The following SETD5 variants were observed in gnomAD, a reference collection of about 807,000 sequenced individuals.
SETD5 encodes histone-lysine N-methyltransferase SETD5.
Under a neutral mutation model 153.3 loss-of-function variants are expected in SETD5, and 44 were observed. The ratio of observed to expected loss-of-function variants is 0.29; its 90% confidence interval spans 0.23 to 0.37. The LOEUF is 0.37. Among genes scored for constraint, SETD5 ranks in the 10% least tolerant of loss-of-function variants. SETD5 has a pLI of 1.00. For synonymous variants in SETD5, 716 were observed against 645.2 expected (o/e 1.11, Z -1.66); for missense variants, 1,544 against 1,768.0 (o/e 0.87, Z 2.27).
chr3:9,447,874 A>G lies in SETD5; in HGVS notation c.1971A>G (p.Val657=), dbSNP rs762046042. 5.0e-6 allele frequency: 8 copies of G among 1,613,922 alleles called. No individual in the cohort carries two copies. The South Asian group carries it at 6.6e-5, about 13-fold the overall frequency. ...AAGAGGGAGGAAGTAACAGTTTAGTAACTCCTACTGAAGCTGGAAGTCTAG... is the reference window on the plus strand; with the variant it reads ...AAGAGGGAGGAAGTAACAGTTTAGTGACTCCTACTGAAGCTGGAAGTCTAG... The part of the protein sequence containing the change: ...ALEEGGSNSL[V]TPTEAGSLDS... The change falls in exon 15 of 23, where the codon GTA becomes GTG. Residue 657 remains valine, a synonymous_variant. Coordinates refer to ENST00000402198, the MANE Select transcript of SETD5 (RefSeq NM_001080517.3).
rs1013684005 is a variant in SETD5, at chr3:9,431,265, A to C, written c.71+2256A>C. 7 of 985,264 alleles carry C rather than the reference A, an allele frequency of 7.1e-6. No individual in the cohort carries two copies. The African/African-American group carries it at 1.2e-4, about 17-fold the overall frequency. 61.0% of individuals were successfully genotyped at this position (985,264 alleles called of 1,614,324 possible). On this transcript the variant is annotated intron_variant, in intron 3 of 22. Transcript: ENST00000402198. ...ACAGAATTTCAGGCATTTTCCAAGA[A>C]ATGGCATGATAGCAGCTGGGTTGCA...
In SETD5 at chr3:9,431,818, T is replaced by A. The variant is rs900697553; in HGVS notation, c.72-2027T>A. On this transcript the variant is annotated intron_variant, in intron 3 of 22. Coordinates refer to ENST00000402198, the MANE Select transcript of SETD5 (RefSeq NM_001080517.3). ...CTTTGATTTCATGCAACTTTCCTTT[T>A]TCCTGTCCCCCTCCCACCAAAAAAA... The A allele has an allele frequency of 3.9e-6, 3 of 769,582 alleles. No individual in the cohort carries two copies. In the African/African-American group the frequency reaches 5.7e-5, roughly 15 times the overall value. The allele number at this position is 769,582 out of a possible 1,614,324, so 47.7% of individuals were successfully genotyped here. A position where few individuals can be genotyped will look rare whatever the true frequency, so the allele number is the denominator to read the frequency against.
At chr3:9,436,115 T>C (rs1052362147) in intron 7 of SETD5, among the ~76,000 whole-genome samples, 3 of 152,102 alleles carry the variant, frequency 2.0e-5, no homozygotes, top group Admixed American at 2.0e-4. Context: ...GGCTCAAAGT[T>C]TCTTCTACTC....
At chr3:9,450,431 T>G (rs966573966) in intron 16 of SETD5, among the ~76,000 whole-genome samples, 2 of 152,238 alleles carry the variant, frequency 1.3e-5, no homozygotes, top group Non-Finnish European at 2.9e-5. Context: ...AAGTCATTGC[T>G]TTATTGTGTG....
intron 12 of SETD5, 40 bp downstream of exon 12, chr3:9,445,340 T>C: frequency 1.3e-6 from 2 of 1,579,632 alleles, no homozygotes; most frequent in African/African-American, 1.3e-5. Flanking sequence ...ATGGCATCAA[T>C]CCTCCAAAGG....
chr3:9,421,420 A>G (rs955406831), intron 1 of SETD5, among the ~76,000 whole-genome samples: 1 of 151,952 alleles, frequency 6.6e-6, no homozygotes, highest in African/African-American at 2.4e-5. Flanking sequence ...TTACAGGTGC[A>G]AGCCACCGCA....
At chr3:9,445,965 G>GGTT (rs2041907619) in intron 13 of SETD5, among the ~76,000 whole-genome samples, 7 of 86,458 alleles carry the variant, frequency 8.1e-5, no homozygotes, top group African/African-American at 2.3e-4. Context: ...TGAAGAGGTT[G>GGTT]TTTTTTTTTT....
intron 1 of SETD5, among the ~76,000 whole-genome samples, chr3:9,415,068 A>G (rs555390093): frequency 1.1e-4 from 17 of 152,302 alleles, no homozygotes; most frequent in African/African-American, 4.1e-4. Flanking sequence ...AGGAAAACTA[A>G]CAGATGATTA....
At chr3:9,473,684 A>T in intron 20 of SETD5, 147 bp downstream of exon 20, 1 of 827,206 alleles carries the variant, frequency 1.2e-6, no homozygotes, top group Non-Finnish European at 1.8e-6. Flanking sequence ...TGTCCTGTTC[A>T]GCTGATTTAA....
chr3:9,450,118 T>C (rs1006870898), intron 16 of SETD5, among the ~76,000 whole-genome samples: 4 of 152,240 alleles, frequency 2.6e-5, no homozygotes, highest in African/African-American at 7.2e-5. Context: ...AAAACGTGTC[T>C]AGGACTGTAA....
intron 1 of SETD5, among the ~76,000 whole-genome samples, chr3:9,418,988 G>A (rs1197125747): frequency 6.6e-6 from 1 of 151,920 alleles, no homozygotes; most frequent in Non-Finnish European, 1.5e-5. Context: ...CACTATGCCT[G>A]GCTGATTTTT....
Position 9,434,779 on chromosome 3 carries a change from G to A in SETD5, c.330-45G>A. The A allele has an allele frequency of 6.3e-7, 1 of 1,585,928 alleles. No individual in the cohort carries two copies. The highest frequency in any genetic ancestry group is 8.6e-7 in the Non-Finnish European group (1 of 1,164,934). ...TCGCCCATGTGTGCTATGATGTGATGCATGCTGTTGGAAGGACTACTTTAA... is the reference window on the plus strand; with the variant it reads ...TCGCCCATGTGTGCTATGATGTGATACATGCTGTTGGAAGGACTACTTTAA... On this transcript the variant is annotated intron_variant, in intron 5 of 22. Coordinates refer to ENST00000402198, the MANE Select transcript of SETD5 (RefSeq NM_001080517.3). This position sits in a 1 kb window ranked among gnomAD's most constrained non-coding sequence, Gnocchi z 5.6.
chr3:9,431,737 T>C (rs2039988424), intron 3 of SETD5: 22 of 985,650 alleles, frequency 2.2e-5, no homozygotes, highest in Non-Finnish European at 2.7e-5. Flanking sequence ...ATGTTCATAT[T>C]TACCCGTTTG....
Position 9,445,144 on chromosome 3 carries a change from T to G in SETD5, c.1284T>G (p.Pro428=), listed in dbSNP as rs758949684. Residue 428 remains proline, a synonymous_variant, in exon 12 of 23, where the codon CCT becomes CCG. Transcript: ENST00000402198. ...CTACAGAACTGCCACTCCTACCACC[T>G]CCTCCAAGCCTACCCACCATTGGAG... ...PNATELPLLP[P]PPSLPTIGAE... is the part of the protein sequence containing the mutation. The G allele has an allele frequency of 2.1e-5, 34 of 1,613,654 alleles. No homozygotes were observed. The highest frequency in any genetic ancestry group is 2.9e-5 in the Non-Finnish European group (34 of 1,179,858).
At chr3:9,457,118 G>T (rs1254866799) in intron 17 of SETD5, among the ~76,000 whole-genome samples, 1 of 152,236 alleles carries the variant, frequency 6.6e-6, no homozygotes, top group Admixed American at 6.5e-5. Context: ...GCAGGGGCAT[G>T]ATGTTCATTA....
In SETD5 at chr3:9,475,638, A is replaced by G. The variant is rs1575632765; in HGVS notation, c.3876A>G (p.Ser1292=). ...CCCCCTCTCACGGTTCTTCAGAATC[A>G]TCCCTCTCTTCCACGTCCTATTCCA... ...GNPPSHGSSE[S]SLSSTSYSSP... Residue 1292 remains serine, a synonymous_variant, in exon 23 of 23, where the codon TCA becomes TCG. Transcript: ENST00000402198. The G allele has an allele frequency of 2.5e-6, 4 of 1,613,828 alleles. No homozygotes were observed. The highest frequency in any genetic ancestry group is 3.4e-6 in the Non-Finnish European group (4 of 1,179,890).
chr3:9,435,073 C>T (rs1052121303), intron 6 of SETD5, among the ~76,000 whole-genome samples, 191 bp downstream of exon 6: 16 of 151,978 alleles, frequency 1.1e-4, no homozygotes, highest in Non-Finnish European at 2.2e-4. Flanking sequence ...GGAGAAACCC[C>T]ATCTCTACTG....
At chr3:9,431,145 A>G (rs1019870830) in intron 3 of SETD5, 1 of 985,452 alleles carries the variant, frequency 1.0e-6, no homozygotes, top group East Asian at 1.1e-4. Flanking sequence ...TGGCAACTAT[A>G]TGCAATACGC....
rs543246360 is a variant in SETD5 at position 9,468,670 on chromosome 3, C to T, written c.2725-1789C>T. On this transcript the variant is annotated intron_variant, in intron 18 of 22. Coordinates refer to ENST00000402198, the MANE Select transcript of SETD5 (RefSeq NM_001080517.3). ...TGTGGGGAGGGCTGGGGATCTGAGT[C>T]AGTGGGGTGATGGGCTGGAGGGCGG... is the stretch of plus-strand genomic sequence containing the variant. The T allele has an allele frequency of 8.9e-5, 103 of 1,153,326 alleles. 1 individual carries two copies. In the African/African-American group the frequency reaches 1.4e-3, roughly 16 times the overall value. The allele number at this position is 1,153,326 out of a possible 1,614,324, so 71.4% of individuals were successfully genotyped here.
Sources: gnomAD v4.1 joint callset for allele counts (sites outside exome capture counted in the v4.1 genomes callset) on GRCh38, gnomAD v4.1.1 for gene constraint, Gnocchi (gnomAD v3.1) non-coding constraint, MANE v1.5 for transcripts, NCBI Gene and HGNC (gene_info 2026-07-23, HGNC 2026-07-21) for gene names.